RANBP2: variants seen among roughly 807,000 people sequenced by gnomAD.
RANBP2 encodes the protein E3 SUMO-protein ligase RanBP2.
RANBP2 carries 57 observed loss-of-function variants against 303.6 expected under a neutral mutation model. The observed-to-expected ratio is 0.19, with a 90% CI of 0.15 to 0.23. RANBP2 has a LOEUF of 0.23. Among genes scored for constraint, RANBP2 ranks in the 10% least tolerant of loss-of-function variants. The pLI is 1.00. For synonymous variants in RANBP2, 1,167 were observed against 1,301.5 expected (o/e 0.90, Z 2.23); for missense variants, 3,138 against 3,780.8 (o/e 0.83, Z 4.46).
chr2:109,564,388 C>T, the RANBP2 span: 30 of 1,575,876 alleles, frequency 1.9e-5, no homozygotes, highest in African/African-American at 1.5e-4. Context: ...TTTTCTGGGC[C>T]CACATCTGTA....
the RANBP2 span, among the ~76,000 whole-genome samples, chr2:109,659,648 A>G: frequency 6.6e-6 from 1 of 152,230 alleles, no homozygotes; most frequent in Non-Finnish European, 1.5e-5. Context: ...CTGAAAGCCC[A>G]GGGCCAGAGC....
the RANBP2 span, among the ~76,000 whole-genome samples, chr2:109,173,711 C>T: frequency 6.6e-6 from 1 of 152,142 alleles, no homozygotes; most frequent in African/African-American, 2.4e-5. Flanking sequence ...ATGGGAAATC[C>T]GCTGTCTGGA....
the RANBP2 span, among the ~76,000 whole-genome samples, chr2:109,062,842 G>T: frequency 2.0e-5 from 3 of 151,784 alleles, no homozygotes; most frequent in Non-Finnish European, 4.4e-5. Context: ...GGGATGTGTT[G>T]GGGGCCCTGG....
chr2:109,269,011 G>T, the RANBP2 span, among the ~76,000 whole-genome samples: 1 of 152,188 alleles, frequency 6.6e-6, no homozygotes, highest in Non-Finnish European at 1.5e-5. Flanking sequence ...ACATGCCCAG[G>T]TGATGAGGCT....
chr2:108,882,628 C>G, the RANBP2 span: 2 of 152,450 alleles, frequency 1.3e-5, no homozygotes, highest in East Asian at 1.9e-4. Flanking sequence ...AGACCCTTTT[C>G]TCTCACCTTT....
At chr2:109,370,085 T>C in the RANBP2 span, among the ~76,000 whole-genome samples, 1 of 152,090 alleles carries the variant, frequency 6.6e-6, no homozygotes, top group South Asian at 2.1e-4. Context: ...GGGCGTTCCA[T>C]GATGCACCTG....
the RANBP2 span, among the ~76,000 whole-genome samples, chr2:109,393,370 C>T: frequency 5.3e-5 from 8 of 152,336 alleles, no homozygotes; most frequent in South Asian, 2.1e-4. Context: ...AGAACAGCAT[C>T]GTCGTCTCTT....
the RANBP2 span, among the ~76,000 whole-genome samples, chr2:109,155,745 T>C: frequency 6.6e-6 from 1 of 152,050 alleles, no homozygotes; most frequent in African/African-American, 2.4e-5. Flanking sequence ...AAAAAGGGAG[T>C]TCCCACATCC....
At chr2:109,574,442 CTAAAA>C in the RANBP2 span, 1 of 269,202 alleles carries the variant, frequency 3.7e-6, no homozygotes, top group Non-Finnish European at 5.2e-6. Flanking sequence ...GACTTTATCT[CTAAAA>C]AAAAAAAAAA....
At chr2:108,915,736 A>C in the RANBP2 span, among the ~76,000 whole-genome samples, 73 of 151,896 alleles carry the variant, frequency 4.8e-4, no homozygotes, top group East Asian at 8.9e-3. Context: ...AACTCTACTA[A>C]AAGTACAAAA....
the RANBP2 span, among the ~76,000 whole-genome samples, chr2:109,057,804 G>A: frequency 6.6e-6 from 1 of 152,194 alleles, no homozygotes; most frequent in South Asian, 2.1e-4. Context: ...GCCTCACTGA[G>A]TGCCAGCTTG....
Position 108,729,126 on chromosome 2 carries a change from T to G in RANBP2, c.73-6T>G. ...GAAAAGTAAAACAACTTTTAATTTT[T>G]TTTAGAAGTCAATGAAAGGATTCTA... is the stretch of plus-strand genomic sequence containing the variant. On this transcript the variant is annotated splice_polypyrimidine_tract_variant and splice_region_variant and intron_variant, in intron 1 of 28. Transcript: ENST00000283195. 1 of 1,570,220 alleles carries G rather than the reference T, an allele frequency of 6.4e-7. No homozygotes were observed. Among genetic ancestry groups the G allele is most frequent in the South Asian group, 1.1e-5 (1 of 88,906 alleles).
chr2:108,948,020 A>G, the RANBP2 span, among the ~76,000 whole-genome samples: 39 of 152,246 alleles, frequency 2.6e-4, no homozygotes, highest in Non-Finnish European at 5.7e-4. Context: ...GTGAATGCAC[A>G]TGACTGAATG....
At chr2:108,969,227 T>G in the RANBP2 span, among the ~76,000 whole-genome samples, 1 of 152,102 alleles carries the variant, frequency 6.6e-6, no homozygotes. Flanking sequence ...TTTTTTTTCC[T>G]GCTCTTCTCT....
At chr2:109,427,000 G>T in the RANBP2 span, among the ~76,000 whole-genome samples, 1 of 151,220 alleles carries the variant, frequency 6.6e-6, no homozygotes, top group Non-Finnish European at 1.5e-5. Flanking sequence ...GACGAGTCTC[G>T]CTCTGTCACC....
At chr2:109,614,823 C>A in the RANBP2 span, 2 of 1,437,714 alleles carry the variant, frequency 1.4e-6, no homozygotes, top group South Asian at 1.4e-5. Context: ...CCCTGCCGGG[C>A]CCGAGGCGCG....
At chr2:109,295,988 G>A in the RANBP2 span, among the ~76,000 whole-genome samples, 2 of 152,136 alleles carry the variant, frequency 1.3e-5, no homozygotes, top group African/African-American at 4.8e-5. Context: ...CTATAGCTTG[G>A]TTGGAGACTG....
chr2:108,722,184 C>G (rs1694315469), intron 1 of RANBP2, among the ~76,000 whole-genome samples: 1 of 152,038 alleles, frequency 6.6e-6, no homozygotes, highest in South Asian at 2.1e-4. Flanking sequence ...CATAACTTCT[C>G]CATTAAATAA....
At chr2:109,487,727 T>G in the RANBP2 span, among the ~76,000 whole-genome samples, 4 of 152,066 alleles carry the variant, frequency 2.6e-5, no homozygotes, top group Admixed American at 2.6e-4. Flanking sequence ...GGGCCCAAGG[T>G]GCCCTGGGAG....
Sources: allele counts gnomAD v4.1 joint callset (sites outside exome capture counted in the v4.1 genomes callset), GRCh38; gene constraint gnomAD v4.1.1; transcripts MANE v1.5; gene names NCBI Gene and HGNC (gene_info 2026-07-23, HGNC 2026-07-21).